Variants in SAMD12 observed in about 807,000 individuals in gnomAD.
SAMD12 encodes the protein sterile alpha motif domain containing 12, also known as sterile alpha motif domain-containing protein 12.
A neutral mutation model predicts 15.0 loss-of-function variants in SAMD12; 9 were observed. The observed-to-expected ratio is 0.60, with a 90% confidence interval of 0.36 to 1.05. The LOEUF (loss-of-function observed/expected upper bound fraction) is 1.05. Among genes scored for constraint, SAMD12 ranks in the 50% least tolerant of loss-of-function variants. The probability of loss-of-function intolerance (pLI) is 0.01; values close to 1 mark genes in which losing one functional copy is unlikely to be tolerated. For synonymous variants in SAMD12, 86 were observed against 90.1 expected (o/e 0.96, Z 0.25); for missense variants, 230 against 234.2 (o/e 0.98, Z 0.12).
chr8:118,464,821 T>C (rs747409894), intron 2 of SAMD12, among the ~76,000 whole-genome samples: 1 of 152,176 alleles, frequency 6.6e-6, no homozygotes, highest in African/African-American at 2.4e-5. Context: ...TATTAGCCAC[T>C]CAAAGATTTA....
chr8:118,287,122 A>ATTTT (rs202200197), intron 4 of SAMD12, among the ~76,000 whole-genome samples: 2 of 132,800 alleles, frequency 1.5e-5, no homozygotes, highest in African/African-American at 6.1e-5. Context: ...AAGGAAGAAT[A>ATTTT]TTTTTTTTTT....
At chr8:118,367,762 C>G (rs568763122) in intron 4 of SAMD12, among the ~76,000 whole-genome samples, 1 of 152,200 alleles carries the variant, frequency 6.6e-6, no homozygotes, top group South Asian at 2.1e-4. Context: ...AGGATCATTC[C>G]TGATAGAAAA....
At chr8:118,541,358 C>T (rs770289151) in intron 2 of SAMD12, among the ~76,000 whole-genome samples, 9 of 152,192 alleles carry the variant, frequency 5.9e-5, no homozygotes, top group Non-Finnish European at 1.2e-4. Context: ...TAATCTGAAA[C>T]TGCCTATCCA....
At chr8:118,376,315 C>T (rs900225748), downstream of SAMD12, among the ~76,000 whole-genome samples, 2 of 152,098 alleles carry the variant, frequency 1.3e-5, no homozygotes, top group African/African-American at 4.8e-5. Flanking sequence ...GAAATCCTAA[C>T]CCCCAAGGTG....
intron 2 of SAMD12, among the ~76,000 whole-genome samples, chr8:118,567,937 T>C (rs1382089416): frequency 1.3e-5 from 2 of 152,226 alleles, no homozygotes. Flanking sequence ...TTCAAACAAA[T>C]AGTTGAGTCC....
intron 3 of SAMD12, among the ~76,000 whole-genome samples, chr8:118,425,631 C>A (rs144312352): frequency 6.6e-6 from 1 of 152,280 alleles, no homozygotes; most frequent in East Asian, 1.9e-4. Context: ...GCTCAGCATT[C>A]ACAATGTAAG....
chr8:118,176,097 C>G, the SAMD12 span, among the ~76,000 whole-genome samples: 5 of 152,116 alleles, frequency 3.3e-5, no homozygotes, highest in Non-Finnish European at 7.4e-5. Flanking sequence ...GTCAGGAGAT[C>G]GAGACCATCC....
intron 2 of SAMD12, among the ~76,000 whole-genome samples, chr8:118,468,379 T>C (rs1241241694): frequency 2.6e-5 from 4 of 152,142 alleles, no homozygotes; most frequent in African/African-American, 9.7e-5. Context: ...GGCAGCAGCA[T>C]CCTCTCCAAA....
the SAMD12 span, among the ~76,000 whole-genome samples, chr8:118,132,244 T>C: frequency 1.3e-5 from 2 of 152,204 alleles, no homozygotes; most frequent in South Asian, 4.1e-4. Context: ...CCCCTGTGGA[T>C]ATATACATTA....
At chr8:118,463,870 AG>A (rs545525359) in intron 2 of SAMD12, among the ~76,000 whole-genome samples, 3 of 151,992 alleles carry the variant, frequency 2.0e-5, no homozygotes, top group Admixed American at 6.6e-5. Context: ...CAGGAGGAGG[AG>A]GGAAAAGTAT....
At chr8:118,500,067 C>CTTTTTTTTTTTTTTTT (rs563321387) in intron 2 of SAMD12, among the ~76,000 whole-genome samples, 2 of 72,566 alleles carry the variant, frequency 2.8e-5, no homozygotes, top group African/African-American at 1.1e-4. Context: ...TGAGTTTTGC[C>CTTTTTTTTTTTTTTTT]TTTTTTTTTT....
intron 3 of SAMD12, among the ~76,000 whole-genome samples, chr8:118,435,240 T>G (rs928657167): frequency 3.3e-5 from 5 of 152,122 alleles, no homozygotes; most frequent in African/African-American, 1.2e-4. Context: ...ATGAGTACAG[T>G]ACAATATGAT....
At chr8:118,293,936 C>T (rs1051575910) in intron 4 of SAMD12, among the ~76,000 whole-genome samples, 5 of 152,214 alleles carry the variant, frequency 3.3e-5, no homozygotes, top group African/African-American at 1.2e-4. Flanking sequence ...ACCATTCTCA[C>T]ACTGGATCTC....
chr8:118,416,553 G>A (rs1338952644), intron 3 of SAMD12, among the ~76,000 whole-genome samples: 2 of 152,170 alleles, frequency 1.3e-5, no homozygotes, highest in East Asian at 3.8e-4. Context: ...TATTGCAGCT[G>A]TCAAAATTCC....
intron 4 of SAMD12, among the ~76,000 whole-genome samples, chr8:118,219,824 C>A (rs1304125359): frequency 6.6e-6 from 1 of 152,206 alleles, no homozygotes; most frequent in East Asian, 1.9e-4. Flanking sequence ...CACATAGGAG[C>A]CACAGGCAAT....
intron 2 of SAMD12, among the ~76,000 whole-genome samples, chr8:118,574,913 T>C (rs1001557601): frequency 6.6e-6 from 1 of 152,222 alleles, no homozygotes; most frequent in Non-Finnish European, 1.5e-5. Flanking sequence ...AATTAGATCA[T>C]TCTATCCCTA....
intron 4 of SAMD12, among the ~76,000 whole-genome samples, chr8:118,221,200 T>C (rs547793284): frequency 6.7e-4 from 102 of 152,240 alleles, no homozygotes; most frequent in African/African-American, 2.3e-3. Context: ...CTCTATTAAT[T>C]AAAACGATCT....
intron 1 of SAMD12, among the ~76,000 whole-genome samples, chr8:118,606,663 G>A (rs1029626142): frequency 6.6e-6 from 1 of 152,050 alleles, no homozygotes; most frequent in Non-Finnish European, 1.5e-5. Context: ...CAGCATAGTG[G>A]TACTTAGCAA....
intron 3 of SAMD12, among the ~76,000 whole-genome samples, chr8:118,392,482 C>G (rs1276774657): frequency 6.6e-6 from 1 of 152,148 alleles, no homozygotes; most frequent in African/African-American, 2.4e-5. Context: ...TCACTGTCTT[C>G]AGGAAGCAGA....
Sources: allele counts gnomAD v4.1 joint callset (sites outside exome capture counted in the v4.1 genomes callset), GRCh38; gene constraint gnomAD v4.1.1; transcripts MANE v1.5; gene names NCBI Gene and HGNC (gene_info 2026-07-23, HGNC 2026-07-21).